The following PHF3 variants were observed in gnomAD, a reference collection of about 807,000 sequenced individuals.
The protein encoded by PHF3 is PHD finger protein 3.
Under a neutral mutation model 178.4 loss-of-function variants are expected in PHF3, and 41 were observed. The observed-to-expected ratio is 0.23, with a 90% CI of 0.18 to 0.30. The LOEUF is 0.30. Among genes scored for constraint, PHF3 ranks in the 10% least tolerant of loss-of-function variants. The pLI is 1.00. For missense variants in PHF3, 2,346 were observed against 2,398.1 expected (o/e 0.98, Z 0.45); for synonymous variants, 842 against 800.5 (o/e 1.05, Z -0.88).
At chr6:63,643,693 AC>A (rs1764669518) in intron 1 of PHF3, among the ~76,000 whole-genome samples, 1 of 152,210 alleles carries the variant, frequency 6.6e-6, no homozygotes, top group Non-Finnish European at 1.5e-5. Flanking sequence ...GACTGTGGAA[AC>A]CTTTTTCCGG....
intron 2 of PHF3, among the ~76,000 whole-genome samples, chr6:63,673,101 T>G (rs1013836309): frequency 3.3e-5 from 5 of 152,062 alleles, no homozygotes; most frequent in Admixed American, 6.5e-5. Context: ...ATTCTTTGTT[T>G]TGTCTATGCT....
chr6:63,719,473 C>T lies in PHF3; in HGVS notation c.*5765C>T, dbSNP rs1768291659. On this transcript the variant is annotated 3_prime_UTR_variant, in exon 16 of 16. Transcript: ENST00000262043. ...CAAGTCAGTCATATGTTGCCGGTTG[C>T]CAAGTGGCAAAATTATCACAGATAT... 6.6e-6 allele frequency among the ~76,000 whole-genome samples: 1 copy of T among 151,974 alleles called. No individual in the cohort carries two copies. The highest frequency in any genetic ancestry group is 6.6e-5 in the Admixed American group (1 of 15,206).
chr6:63,637,963 G>T (rs1456301029), intron 1 of PHF3, among the ~76,000 whole-genome samples: 1 of 152,008 alleles, frequency 6.6e-6, no homozygotes, highest in Admixed American at 6.5e-5. Flanking sequence ...TTGCATACAC[G>T]TGAATTATGC....
At chr6:63,646,886 T>A in intron 2 of PHF3, 91 bp downstream of exon 2, 5 of 581,058 alleles carry the variant, frequency 8.6e-6, no homozygotes, top group Admixed American at 5.5e-5. Flanking sequence ...CTTTTTTTCT[T>A]TTTTTTTTTT....
At chr6:63,704,765 A>G (rs1767620023) in intron 11 of PHF3, among the ~76,000 whole-genome samples, 1 of 152,158 alleles carries the variant, frequency 6.6e-6, no homozygotes, top group African/African-American at 2.4e-5. Flanking sequence ...ACCATGGAGC[A>G]CAATTGCTGG....
chr6:63,652,963 G>T (rs375787768), intron 2 of PHF3, among the ~76,000 whole-genome samples: 3 of 149,706 alleles, frequency 2.0e-5, no homozygotes, highest in Non-Finnish European at 4.4e-5. Context: ...GTCCAGTAGT[G>T]TGATAACTCC....
intron 2 of PHF3, among the ~76,000 whole-genome samples, chr6:63,653,301 C>T (rs1765100526): frequency 6.6e-6 from 1 of 151,502 alleles, no homozygotes; most frequent in Non-Finnish European, 1.5e-5. Flanking sequence ...TGGTCATTTT[C>T]ACAATATTCT....
chr6:63,688,917 C>T (rs527273742), intron 4 of PHF3, among the ~76,000 whole-genome samples: 1 of 152,316 alleles, frequency 6.6e-6, no homozygotes, highest in African/African-American at 2.4e-5. Context: ...TCTGTAAAGA[C>T]TATATAAACG....
chr6:63,644,476 T>C (rs940637180), intron 1 of PHF3, among the ~76,000 whole-genome samples: 6 of 152,158 alleles, frequency 3.9e-5, no homozygotes, highest in Non-Finnish European at 7.3e-5. Context: ...TGAGATGATA[T>C]AGTGGTAGGG....
intron 2 of PHF3, among the ~76,000 whole-genome samples, chr6:63,672,203 A>G (rs926993768): frequency 6.6e-6 from 1 of 152,228 alleles, no homozygotes; most frequent in Admixed American, 6.5e-5. Flanking sequence ...TAAATGAACT[A>G]TGAGACAATA....
chr6:63,641,196 G>A (rs1038170042), intron 1 of PHF3, among the ~76,000 whole-genome samples: 1 of 152,158 alleles, frequency 6.6e-6, no homozygotes, highest in African/African-American at 2.4e-5. Flanking sequence ...CCACTTTTAA[G>A]ACCTTTGTAC....
chr6:63,653,994 G>A (rs969493993), intron 2 of PHF3, among the ~76,000 whole-genome samples: 1 of 152,128 alleles, frequency 6.6e-6, no homozygotes, highest in Non-Finnish European at 1.5e-5. Flanking sequence ...CTTGATTGTG[G>A]TGAGTGATCT....
At chr6:63,705,539 A>AT (rs1362630292) in intron 11 of PHF3, among the ~76,000 whole-genome samples, 5 of 152,170 alleles carry the variant, frequency 3.3e-5, no homozygotes, top group Non-Finnish European at 7.3e-5. Context: ...CTAACTATTA[A>AT]TGCTTGATGA....
At chr6:63,663,904 G>A (rs1393526013) in intron 2 of PHF3, among the ~76,000 whole-genome samples, 2 of 152,076 alleles carry the variant, frequency 1.3e-5, no homozygotes, top group African/African-American at 4.8e-5. Flanking sequence ...GGAGGGAAAG[G>A]TAATATCTCC....
intron 2 of PHF3, 89 bp downstream of exon 2, chr6:63,646,884 C>CT (rs745751113): frequency 0.095 from 56,001 of 589,768 alleles, 13 homozygotes; most frequent in Middle Eastern, 0.098. Flanking sequence ...TTCTTTTTTT[C>CT]TTTTTTTTTT....
At chr6:63,660,602 G>A (rs1241859028) in intron 2 of PHF3, among the ~76,000 whole-genome samples, 1 of 152,016 alleles carries the variant, frequency 6.6e-6, no homozygotes, top group African/African-American at 2.4e-5. Context: ...TATTTTCCCA[G>A]GATGTTTAAT....
rs538716827 is a variant in PHF3 at position 63,718,836 on chromosome 6, T to C, written c.*5128T>C. ...TTTGTAAGCTTTCATAAAACAGCCT[T>C]CTTTTTATACATAAAGTATGTTTTC... On this transcript the variant is annotated 3_prime_UTR_variant, in exon 16 of 16. Coordinates refer to ENST00000262043, the MANE Select transcript of PHF3 (RefSeq NM_001370348.2). Among the ~76,000 whole-genome samples the C allele has an allele frequency of 9.5e-4, 144 of 152,138 alleles. No homozygotes were observed. Among genetic ancestry groups the C allele is most frequent in the African/African-American group, 3.3e-3 (139 of 41,556 alleles).
intron 10 of PHF3, 123 bp downstream of exon 10, chr6:63,702,762 A>G: frequency 1.1e-6 from 1 of 951,552 alleles, no homozygotes; most frequent in Non-Finnish European, 1.6e-6. Flanking sequence ...AAAGTAGCCT[A>G]TTTTATTGGT....
rs1276340436 is a variant in PHF3, at chr6:63,696,239, T to C, written c.2680+1475T>C. 2.6e-5 allele frequency among the ~76,000 whole-genome samples: 4 copies of C among 152,212 alleles called. No homozygotes were observed. In the East Asian group the frequency reaches 7.7e-4, roughly 29 times the overall value. On this transcript the variant is annotated intron_variant, in intron 6 of 15. Transcript: ENST00000262043. ...GGGCATACTCAACCTGTATTTAAAA[T>C]CATGGGCTTAGATATAAATAGCTAC...
Sources: gnomAD v4.1 joint callset for allele counts (sites outside exome capture counted in the v4.1 genomes callset) on GRCh38, gnomAD v4.1.1 for gene constraint, MANE v1.5 for transcripts, NCBI Gene and HGNC (gene_info 2026-07-23, HGNC 2026-07-21) for gene names.